LDB2: variants seen among roughly 807,000 people sequenced by gnomAD.
The protein encoded by LDB2 is LIM domain binding 2, also known as LIM domain-binding protein 2.
A neutral mutation model predicts 44.3 loss-of-function variants in LDB2; 12 were observed. The observed-to-expected ratio is 0.27, with a 90% confidence interval of 0.17 to 0.44. The LOEUF is 0.44. Among genes scored for constraint, LDB2 ranks in the 20% least tolerant of loss-of-function variants. The pLI, the probability that LDB2 is intolerant of heterozygous loss-of-function variation, is 1.00. For missense variants in LDB2, 344 were observed against 473.5 expected, an observed-to-expected ratio of 0.73 and a Z score of 2.54; for synonymous variants, 164 against 174.8, an observed-to-expected ratio of 0.94 and a Z score of 0.49.
chr4:16,785,889 C>A (rs938784218), intron 1 of LDB2, among the ~76,000 whole-genome samples: 4 of 152,114 alleles, frequency 2.6e-5, no homozygotes, highest in African/African-American at 9.7e-5. Context: ...TTATGACCCT[C>A]AAACCAGCTT....
intron 1 of LDB2, among the ~76,000 whole-genome samples, chr4:16,813,353 TTAAG>T (rs901404096): frequency 2.6e-5 from 4 of 152,146 alleles, no homozygotes; most frequent in African/African-American, 9.7e-5. Flanking sequence ...TTTGTGGGGA[TTAAG>T]TGAGTAGGAC....
chr4:16,698,702 C>A (rs1359635373), intron 2 of LDB2, among the ~76,000 whole-genome samples: 1 of 152,000 alleles, frequency 6.6e-6, no homozygotes, highest in Non-Finnish European at 1.5e-5. Flanking sequence ...TCATTCTTTT[C>A]ATGTATTTAT....
rs957843835 is a variant in LDB2, at chr4:16,823,831, T to G, written c.133-64571A>C. Among the ~76,000 whole-genome samples the G allele has an allele frequency of 2.0e-5, 3 of 152,368 alleles. 1 individual carries two copies. Among genetic ancestry groups the G allele is most frequent in the Non-Finnish European group, 4.4e-5 (3 of 68,036 alleles). On this transcript the variant is annotated intron_variant, in intron 1 of 7. Coordinates refer to ENST00000304523, the MANE Select transcript of LDB2 (RefSeq NM_001290.5). ...AGAGAAAACTGAATTGTGCTTCTAGTGTACAATCTTACCTAATTATGCCAG... is the reference window on the plus strand; with the variant it reads ...AGAGAAAACTGAATTGTGCTTCTAGGGTACAATCTTACCTAATTATGCCAG...
intron 1 of LDB2, among the ~76,000 whole-genome samples, chr4:16,884,246 A>T (rs1283662629): frequency 6.6e-6 from 1 of 152,202 alleles, no homozygotes; most frequent in African/African-American, 2.4e-5. Context: ...GAGGGCTTTC[A>T]TGCCTTACCT....
intron 5 of LDB2, among the ~76,000 whole-genome samples, chr4:16,574,860 G>A (rs141668007): frequency 2.0e-5 from 3 of 152,098 alleles, no homozygotes; most frequent in Non-Finnish European, 2.9e-5. Context: ...AATTGGATTC[G>A]GGGAGCTTAG....
chr4:16,712,751 C>T (rs866140328), intron 2 of LDB2, among the ~76,000 whole-genome samples: 1 of 152,108 alleles, frequency 6.6e-6, no homozygotes, highest in South Asian at 2.1e-4. Flanking sequence ...TCATACATTG[C>T]TAGTGGGAAT....
intron 5 of LDB2, among the ~76,000 whole-genome samples, chr4:16,547,111 T>G (rs1057496913): frequency 2.0e-5 from 3 of 152,202 alleles, no homozygotes; most frequent in Non-Finnish European, 4.4e-5. Flanking sequence ...AGGATGGACC[T>G]TCAATCCAAT....
chr4:16,661,904 T>C (rs1265848123), intron 2 of LDB2, among the ~76,000 whole-genome samples: 2 of 152,186 alleles, frequency 1.3e-5, no homozygotes, highest in Non-Finnish European at 1.5e-5. Flanking sequence ...TCTTGTTCCC[T>C]GGGAACTTTA....
chr4:16,607,866 C>A (rs551897556), intron 2 of LDB2, among the ~76,000 whole-genome samples: 1 of 152,028 alleles, frequency 6.6e-6, no homozygotes, highest in Non-Finnish European at 1.5e-5. Flanking sequence ...GGACAGTCTG[C>A]GAATCTCAAA....
chr4:16,543,270 T>A (rs13434384), intron 5 of LDB2, among the ~76,000 whole-genome samples: 1 of 152,050 alleles, frequency 6.6e-6, no homozygotes, highest in Non-Finnish European at 1.5e-5. Context: ...TGATTTATAA[T>A]CCTTTGGGTA....
intron 1 of LDB2, among the ~76,000 whole-genome samples, chr4:16,777,996 C>T (rs1357104111): frequency 6.6e-6 from 1 of 152,194 alleles, no homozygotes; most frequent in Non-Finnish European, 1.5e-5. Context: ...CCCTCTCCAC[C>T]TCAGGACAGT....
chr4:16,714,217 G>C (rs1366394576), intron 2 of LDB2, among the ~76,000 whole-genome samples: 1 of 152,152 alleles, frequency 6.6e-6, no homozygotes, highest in African/African-American at 2.4e-5. Context: ...GTACTGTTTT[G>C]CTTGGAAGAT....
intron 2 of LDB2, among the ~76,000 whole-genome samples, chr4:16,738,932 C>A (rs1056394551): frequency 6.6e-6 from 1 of 152,084 alleles, no homozygotes; most frequent in African/African-American, 2.4e-5. Context: ...AAACTCTGGG[C>A]CCAATTCTTC....
At chr4:16,777,710 G>T (rs965142458) in intron 1 of LDB2, among the ~76,000 whole-genome samples, 2 of 152,040 alleles carry the variant, frequency 1.3e-5, no homozygotes, top group African/African-American at 4.8e-5. Flanking sequence ...TTCTGGCCTC[G>T]GTTTCCCCAT....
chr4:16,621,165 A>G (rs913901546), intron 2 of LDB2, among the ~76,000 whole-genome samples: 4 of 152,218 alleles, frequency 2.6e-5, no homozygotes, highest in African/African-American at 9.6e-5. Flanking sequence ...CTAGACTCAT[A>G]ACGGGGGAGC....
rs189502288 is a variant in LDB2, at chr4:16,514,974, A to G, written c.616-2870T>C. 2.0e-5 allele frequency among the ~76,000 whole-genome samples: 3 copies of G among 152,300 alleles called. 1 individual carries two copies. Among genetic ancestry groups the G allele is most frequent in the Admixed American group, 2.0e-4 (3 of 15,294 alleles). On this transcript the variant is annotated intron_variant, in intron 5 of 7. Transcript: ENST00000304523. Reference sequence around the variant, plus strand: ...GAAGATAAATCCTTCTACCAAAAGGACACCTTTACTCATATGTTCATTGCA... The same window carrying G: ...GAAGATAAATCCTTCTACCAAAAGGGCACCTTTACTCATATGTTCATTGCA...
chr4:16,581,917 G>T (rs1025510076), intron 5 of LDB2, among the ~76,000 whole-genome samples: 3 of 147,224 alleles, frequency 2.0e-5, no homozygotes, highest in Admixed American at 1.3e-4. Context: ...AAAGACGAAG[G>T]AAAGAAGAAA....
chr4:16,807,969 T>C (rs1340554777), intron 1 of LDB2, among the ~76,000 whole-genome samples: 2 of 152,162 alleles, frequency 1.3e-5, no homozygotes, highest in South Asian at 2.1e-4. Context: ...CAGGTGAAGG[T>C]AGGCTTTCCC....
At chr4:16,694,378 G>A (rs1416891125) in intron 2 of LDB2, among the ~76,000 whole-genome samples, 3 of 152,210 alleles carry the variant, frequency 2.0e-5, no homozygotes, top group East Asian at 3.8e-4. Context: ...TCTCTCCTCT[G>A]TTTTAAGAAC....
Sources: allele counts gnomAD v4.1 joint callset (sites outside exome capture counted in the v4.1 genomes callset), GRCh38; gene constraint gnomAD v4.1.1; transcripts MANE v1.5; gene names NCBI Gene and HGNC (gene_info 2026-07-23, HGNC 2026-07-21).